Variants in CTNNA2 observed in about 807,000 individuals in gnomAD.
The protein encoded by CTNNA2 is catenin alpha-2.
In CTNNA2, 42 loss-of-function variants were observed where a neutral mutation model predicts 101.0. The ratio of observed to expected loss-of-function variants is 0.42; its 90% CI spans 0.32 to 0.54. CTNNA2 has a LOEUF of 0.54. Among genes scored for constraint, CTNNA2 ranks in the 20% least tolerant of loss-of-function variants. CTNNA2 has a pLI of 0.14. For missense variants in CTNNA2, 871 were observed against 1,223.1 expected, an observed-to-expected ratio of 0.71 and a Z score of 4.29; for synonymous variants, 450 against 456.4, an observed-to-expected ratio of 0.99 and a Z score of 0.18.
At chr2:79,262,285 C>T (rs75210800) in intron 2 of CTNNA2, among the ~76,000 whole-genome samples, 6 of 152,076 alleles carry the variant, frequency 3.9e-5, no homozygotes, top group South Asian at 2.1e-4. Context: ...TTTTAAAAAC[C>T]CTTTAGAAAG....
intron 1 of CTNNA2, among the ~76,000 whole-genome samples, chr2:79,524,355 A>G (rs1192755381): frequency 6.6e-6 from 1 of 151,778 alleles, no homozygotes; most frequent in African/African-American, 2.4e-5. Context: ...ATTCTTTAAT[A>G]TTTCCTAATA....
At chr2:79,524,316 G>A (rs1439622979) in intron 1 of CTNNA2, among the ~76,000 whole-genome samples, 1 of 151,734 alleles carries the variant, frequency 6.6e-6, no homozygotes, top group Non-Finnish European at 1.5e-5. Context: ...TCTTGTATGA[G>A]TTTTTATTAC....
At chr2:80,368,781 A>AG (rs1553505611) in intron 7 of CTNNA2, among the ~76,000 whole-genome samples, 1 of 151,250 alleles carries the variant, frequency 6.6e-6, no homozygotes, top group African/African-American at 2.4e-5. Flanking sequence ...TAGCAAAAAA[A>AG]AAAAGAAAAG....
rs563989281 is a variant in CTNNA2, at chr2:79,196,183, C to T, written c.-523-1776C>T. 2.8e-3 allele frequency among the ~76,000 whole-genome samples: 426 copies of T among 152,270 alleles called. 2 individuals are homozygous for T. Among genetic ancestry groups the T allele is most frequent in the Non-Finnish European group, 4.8e-3 (328 of 68,022 alleles). On this transcript the variant is annotated intron_variant, in intron 1 of 21. Transcript: ENST00000466387. ...TCCTGACCTCGTGATCCACCCGCCTCGGCCTCCCAAAGTGCTGGGATTATA... is the reference window on the plus strand; with the variant it reads ...TCCTGACCTCGTGATCCACCCGCCTTGGCCTCCCAAAGTGCTGGGATTATA...
intron 7 of CTNNA2, among the ~76,000 whole-genome samples, chr2:80,296,075 G>A (rs531692171): frequency 7.9e-5 from 12 of 151,798 alleles, no homozygotes; most frequent in Admixed American, 2.0e-4. Context: ...CGATTATTGC[G>A]GGTACATAGT....
chr2:79,554,741 C>T (rs944167315), intron 1 of CTNNA2, among the ~76,000 whole-genome samples: 4 of 152,162 alleles, frequency 2.6e-5, no homozygotes, highest in African/African-American at 9.7e-5. Flanking sequence ...TAATCCTGTT[C>T]TCAAAACAGT....
At chr2:79,632,955 G>A (rs1359952778) in intron 1 of CTNNA2, among the ~76,000 whole-genome samples, 1 of 152,188 alleles carries the variant, frequency 6.6e-6, no homozygotes, top group Non-Finnish European at 1.5e-5. Context: ...AAGAGTAGCT[G>A]TGTTCCAATA....
At chr2:79,636,105 C>CA (rs771737673) in intron 1 of CTNNA2, among the ~76,000 whole-genome samples, 1,855 of 131,132 alleles carry the variant, frequency 0.014, 16 homozygotes, top group South Asian at 0.021. Flanking sequence ...ACTAAAAATA[C>CA]AAAAAAAAAA....
intron 4 of CTNNA2, among the ~76,000 whole-genome samples, chr2:79,377,429 G>C (rs922573294): frequency 6.6e-6 from 1 of 152,134 alleles, no homozygotes; most frequent in African/African-American, 2.4e-5. Flanking sequence ...TTTTTTATTT[G>C]TACAAAGCTG....
chr2:79,482,877 T>C (rs1174943477), intron 4 of CTNNA2, among the ~76,000 whole-genome samples: 1 of 152,150 alleles, frequency 6.6e-6, no homozygotes, highest in African/African-American at 2.4e-5. Context: ...GAGGAGTGCA[T>C]GGGCAATGCT....
intron 7 of CTNNA2, among the ~76,000 whole-genome samples, chr2:80,263,982 T>G (rs2149127680): frequency 6.6e-6 from 1 of 152,354 alleles, no homozygotes; most frequent in South Asian, 2.1e-4. Context: ...TGTATTTAAA[T>G]TATCCACACT....
At chr2:79,849,216 G>A (rs1680477475) in intron 3 of CTNNA2, among the ~76,000 whole-genome samples, 1 of 151,782 alleles carries the variant, frequency 6.6e-6, no homozygotes, top group Admixed American at 6.6e-5. Flanking sequence ...ACTACCCTTG[G>A]TAGAAAGACA....
intron 3 of CTNNA2, among the ~76,000 whole-genome samples, chr2:79,854,771 G>T (rs974333980): frequency 6.6e-6 from 1 of 152,190 alleles, no homozygotes; most frequent in Non-Finnish European, 1.5e-5. Context: ...AAGTACATGA[G>T]ATTGAACAAG....
intron 7 of CTNNA2, among the ~76,000 whole-genome samples, chr2:80,020,965 G>A (rs925430372): frequency 5.6e-5 from 8 of 143,472 alleles, no homozygotes; most frequent in Non-Finnish European, 1.1e-4. Context: ...TCTTCTCTTT[G>A]GTTGAAATTT....
At chr2:79,558,341 T>C (rs1481135453) in intron 1 of CTNNA2, among the ~76,000 whole-genome samples, 1 of 151,980 alleles carries the variant, frequency 6.6e-6, no homozygotes, top group Admixed American at 6.6e-5. Flanking sequence ...CTTAGTAAAC[T>C]TCTGGTCTGA....
intron 7 of CTNNA2, among the ~76,000 whole-genome samples, chr2:80,392,856 C>G (rs373790802): frequency 2.6e-5 from 4 of 152,178 alleles, no homozygotes; most frequent in African/African-American, 9.6e-5. Flanking sequence ...AGAAATGTGC[C>G]TACACAATAT....
rs149029666 is a variant in CTNNA2 at position 80,355,257 on chromosome 2, C to T, written c.1057-37954C>T. On this transcript the variant is annotated intron_variant, in intron 7 of 18. Transcript: ENST00000402739. ...AATGTTGACTTTACAGACTCTCCTC[C>T]GGCTAGGAGAAGCCACATGGCATAG... 5.4e-3 allele frequency among the ~76,000 whole-genome samples: 818 copies of T among 152,306 alleles called. 11 individuals carry two copies. Among genetic ancestry groups the T allele is most frequent in the Non-Finnish European group, 6.2e-3 (420 of 68,030 alleles).
chr2:80,098,922 G>A (rs972096455), intron 7 of CTNNA2, among the ~76,000 whole-genome samples: 5 of 152,048 alleles, frequency 3.3e-5, no homozygotes, highest in African/African-American at 1.2e-4. Context: ...TCTTTGACTA[G>A]GAAAGGGAAT....
chr2:79,496,694 C>T (rs555226759), intron 4 of CTNNA2, among the ~76,000 whole-genome samples: 3 of 151,556 alleles, frequency 2.0e-5, no homozygotes, highest in South Asian at 2.1e-4. Flanking sequence ...AGCCCTACCG[C>T]CTGTGTACAT....
Sources: gnomAD v4.1 joint callset for allele counts (sites outside exome capture counted in the v4.1 genomes callset) on GRCh38, gnomAD v4.1.1 for gene constraint, MANE v1.5 for transcripts, NCBI Gene and HGNC (gene_info 2026-07-23, HGNC 2026-07-21) for gene names.